XXYLT1: variants seen among roughly 807,000 people sequenced by gnomAD.
The protein encoded by XXYLT1 is UDP-xylose:alpha-xyloside alpha-1,3-xylosyltransferase.
A neutral mutation model predicts 28.9 loss-of-function variants in XXYLT1; 20 were observed. The ratio of observed to expected loss-of-function variants is 0.69; its 90% confidence interval spans 0.49 to 1.00. The LOEUF (loss-of-function observed/expected upper bound fraction) is 1.00. Ranked by LOEUF, XXYLT1 falls within the 50% of genes least tolerant of loss-of-function variation. The pLI, the probability that XXYLT1 is intolerant of heterozygous loss-of-function variation, is 0.00. For missense variants in XXYLT1, 542 were observed against 560.1 expected (o/e 0.97, Z 0.33); for synonymous variants, 257 against 253.8 (o/e 1.01, Z -0.12).
At chr3:195,134,322 G>A (rs901389947) in intron 3 of XXYLT1, among the ~76,000 whole-genome samples, 5 of 152,154 alleles carry the variant, frequency 3.3e-5, no homozygotes, top group Non-Finnish European at 7.3e-5. Context: ...ACCCACTGAC[G>A]CACCCGGAGC....
chr3:195,237,751 T>C (rs1724614394), intron 1 of XXYLT1, among the ~76,000 whole-genome samples: 1 of 152,134 alleles, frequency 6.6e-6, no homozygotes, highest in South Asian at 2.1e-4. Flanking sequence ...TTTAAAAATG[T>C]CTTCATGCTT....
chr3:195,201,613 C>T (rs1722852192), intron 2 of XXYLT1, among the ~76,000 whole-genome samples: 1 of 152,204 alleles, frequency 6.6e-6, no homozygotes, highest in African/African-American at 2.4e-5. Flanking sequence ...CTTGGGCTCA[C>T]TCCAGTGGCT....
At chr3:195,119,221 T>C (rs1263617110) in intron 3 of XXYLT1, among the ~76,000 whole-genome samples, 11 of 148,356 alleles carry the variant, frequency 7.4e-5, no homozygotes, top group African/African-American at 2.0e-4. Flanking sequence ...GAGGTGGAGG[T>C]TGCAGTGAGC....
At chr3:195,110,851 T>TGTGTGTGTGTGG (rs1284404952) in intron 3 of XXYLT1, among the ~76,000 whole-genome samples, 2 of 37,426 alleles carry the variant, frequency 5.3e-5, no homozygotes, top group African/African-American at 9.2e-5. Context: ...GTTGTGTGTG[T>TGTGTGTGTGTGG]TGTATAAGTG....
intron 1 of XXYLT1, among the ~76,000 whole-genome samples, chr3:195,235,915 CATAG>C (rs1724518837): frequency 1.4e-5 from 2 of 145,424 alleles, no homozygotes; most frequent in African/African-American, 2.8e-5. Context: ...TAGACATAGA[CATAG>C]ACATAGACAT....
chr3:195,271,012 C>A lies in XXYLT1; in HGVS notation c.47G>T (p.Arg16Leu). 6.8e-7 allele frequency: 1 copy of A among 1,473,812 alleles called. No individual in the cohort carries two copies. The highest frequency in any genetic ancestry group is 2.4e-5 in the Admixed American group (1 of 41,588). 91.3% of individuals were successfully genotyped at this position (1,473,812 alleles called of 1,614,324 possible). The change falls in exon 1 of 4, where the codon CGC (arginine) becomes CTC (leucine). Residue 16 changes from arginine (R) to leucine (L), a missense_variant. By Grantham distance (102) the Arg-to-Leu change is moderately radical (BLOSUM62 -2). Transcript: ENST00000310380. Reference protein sequence around the residue: ...GGLPCARAMARLGAVRSHYCA... With the variant: ...GGLPCARAMALLGAVRSHYCA... Reference sequence around the variant, plus strand: ...GTAGTGGGAGCGCACAGCGCCCAGGCGCGCCATGGCCCGAGCGCATGGGAG... The same window carrying A: ...GTAGTGGGAGCGCACAGCGCCCAGGAGCGCCATGGCCCGAGCGCATGGGAG...
intron 2 of XXYLT1, among the ~76,000 whole-genome samples, chr3:195,216,594 C>A (rs1191037499): frequency 2.0e-5 from 3 of 149,088 alleles, no homozygotes; most frequent in Non-Finnish European, 4.5e-5. Context: ...CACATACACT[C>A]TCCCAAGACT....
chr3:195,252,907 CGCCACCGCAGG>C (rs1269697837), intron 1 of XXYLT1, among the ~76,000 whole-genome samples: 1 of 152,082 alleles, frequency 6.6e-6, no homozygotes, highest in East Asian at 1.9e-4. Context: ...TTATGGCATA[CGCCACCGCAGG>C]TGGGTCCCCT....
At chr3:195,120,255 A>C (rs1577052206) in intron 3 of XXYLT1, among the ~76,000 whole-genome samples, 14 of 137,042 alleles carry the variant, frequency 1.0e-4, no homozygotes, top group Non-Finnish European at 1.1e-4. Context: ...GCCCCTCCCA[A>C]CCCCACCACT....
intron 1 of XXYLT1, among the ~76,000 whole-genome samples, chr3:195,263,455 C>A (rs1036120044): frequency 9.2e-5 from 14 of 152,136 alleles, no homozygotes; most frequent in African/African-American, 3.4e-4. Context: ...TGGGTTATAT[C>A]TCTTGGGAGG....
intron 3 of XXYLT1, among the ~76,000 whole-genome samples, chr3:195,137,134 G>A (rs527925142): frequency 2.6e-4 from 40 of 152,284 alleles, no homozygotes; most frequent in African/African-American, 7.0e-4. Context: ...TGCTGTGGGG[G>A]CCAGGACAGA....
chr3:195,201,376 T>C (rs1722842300), intron 2 of XXYLT1, among the ~76,000 whole-genome samples: 1 of 152,182 alleles, frequency 6.6e-6, no homozygotes, highest in African/African-American at 2.4e-5. Flanking sequence ...TCTGGGACAT[T>C]CCTTACAGCT....
chr3:195,134,788 C>A (rs1719082954), intron 3 of XXYLT1, among the ~76,000 whole-genome samples: 2 of 151,970 alleles, frequency 1.3e-5, no homozygotes, highest in African/African-American at 4.8e-5. Flanking sequence ...CGCTTTCCAT[C>A]CGTATTTCCC....
At position 195,180,254 on chromosome 3, in the gene XXYLT1, G is replaced by A; in HGVS notation, c.653-23673C>T. On this transcript the variant is annotated intron_variant, in intron 2 of 3. Coordinates refer to ENST00000310380, the MANE Select transcript of XXYLT1 (RefSeq NM_152531.5). This position sits in a 1 kb window ranked among gnomAD's most constrained non-coding sequence, Gnocchi z 5.8. ...TCTCTGCACTGACACCGGGGGTGGT[G>A]AGTGGCACACTCGGTCCCCCAGTTA... 1 of 930,284 alleles carries A rather than the reference G, an allele frequency of 1.1e-6. No individual in the cohort carries two copies. Among genetic ancestry groups the A allele is most frequent in the Non-Finnish European group, 1.3e-6 (1 of 779,796 alleles). 57.6% of individuals were successfully genotyped at this position (930,284 alleles called of 1,614,324 possible).
chr3:195,081,388 C>G (rs1045179280), intron 3 of XXYLT1, among the ~76,000 whole-genome samples: 1 of 152,186 alleles, frequency 6.6e-6, no homozygotes, highest in African/African-American at 2.4e-5. Flanking sequence ...GAGCAGGGCC[C>G]GGGGACAGGC....
chr3:195,185,800 C>A (rs949875626), intron 2 of XXYLT1, among the ~76,000 whole-genome samples: 1 of 152,130 alleles, frequency 6.6e-6, no homozygotes, highest in Non-Finnish European at 1.5e-5. Flanking sequence ...CTAAAAGAGG[C>A]TCACACCCCA....
At chr3:195,238,474 A>G (rs1724646236) in intron 1 of XXYLT1, among the ~76,000 whole-genome samples, 1 of 152,182 alleles carries the variant, frequency 6.6e-6, no homozygotes, top group Non-Finnish European at 1.5e-5. Flanking sequence ...AGAGGCCGTG[A>G]CTGCTCTGTG....
At chr3:195,205,172 T>G (rs1723018088) in intron 2 of XXYLT1, among the ~76,000 whole-genome samples, 1 of 152,246 alleles carries the variant, frequency 6.6e-6, no homozygotes, top group African/African-American at 2.4e-5. Flanking sequence ...ACCCAGCTAC[T>G]GTACTTTCAG....
intron 3 of XXYLT1, among the ~76,000 whole-genome samples, chr3:195,147,638 A>C (rs1719935347): frequency 6.6e-6 from 1 of 152,210 alleles, no homozygotes; most frequent in Non-Finnish European, 1.5e-5. Context: ...TGAATGTGAA[A>C]GTAACTTCTC....
Sources: gnomAD v4.1 joint callset for allele counts (sites outside exome capture counted in the v4.1 genomes callset) on GRCh38, gnomAD v4.1.1 for gene constraint, Gnocchi (gnomAD v3.1) non-coding constraint, MANE v1.5 for transcripts, NCBI Gene and HGNC (gene_info 2026-07-23, HGNC 2026-07-21) for gene names.